SEL1L: variants seen among roughly 807,000 people sequenced by gnomAD.
SEL1L encodes the protein protein sel-1 homolog 1.
SEL1L carries 52 observed loss-of-function variants against 109.8 expected under a neutral mutation model. The observed-to-expected ratio is 0.47, with a 90% CI of 0.38 to 0.60. The LOEUF is 0.60. SEL1L is among the 20% of genes least tolerant of loss of function. The pLI is 0.00. For missense variants in SEL1L, 749 were observed against 962.2 expected, an observed-to-expected ratio of 0.78 and a Z score of 2.93; for synonymous variants, 373 against 339.6, an observed-to-expected ratio of 1.10 and a Z score of -1.08.
chr14:81,533,821 G>C lies in SEL1L; in HGVS notation c.-77C>G. ...CACCACGGACTCAGCCACCACCGCCGCCTCGCCGCTGCTCTTCCTGCTCTA... is the reference window on the plus strand; with the variant it reads ...CACCACGGACTCAGCCACCACCGCCCCCTCGCCGCTGCTCTTCCTGCTCTA... On this transcript the variant is annotated 5_prime_UTR_variant, in exon 1 of 21. Transcript: ENST00000336735. 7.1e-7 allele frequency: 1 copy of C among 1,401,330 alleles called. No homozygotes were observed. The highest frequency in any genetic ancestry group is 9.9e-7 in the Non-Finnish European group (1 of 1,005,392). 86.8% of individuals were successfully genotyped at this position (1,401,330 alleles called of 1,614,324 possible). A position where few individuals can be genotyped will look rare whatever the true frequency, so the allele number is the denominator to read the frequency against.
chr14:81,502,843 T>C lies in SEL1L; in HGVS notation c.655A>G (p.Thr219Ala). 1 of 1,614,096 alleles carries C rather than the reference T, an allele frequency of 6.2e-7. No homozygotes were observed. The change falls in exon 6 of 21, where the codon ACC (threonine) becomes GCC (alanine). Residue 219 changes from threonine (T) to alanine (A), a missense_variant. Physicochemically the swap from Thr to Ala is moderately conservative, Grantham distance 58. Transcript: ENST00000336735. ...TATGACACTCTCTCCAGGGCTTTGG[T>C]ATGGTTCATGCTTGCTGCCTTTTGG... The part of the protein sequence containing the change: ...YLQKAASMNH[T>A]KALERVSYAL...
At chr14:81,525,362 G>C (rs1007877118) in intron 3 of SEL1L, among the ~76,000 whole-genome samples, 11 of 149,994 alleles carry the variant, frequency 7.3e-5, no homozygotes, top group African/African-American at 2.7e-4. Context: ...CTATGATCGT[G>C]CCACTGCACT....
intron 3 of SEL1L, among the ~76,000 whole-genome samples, chr14:81,513,257 C>G (rs1884560678): frequency 6.6e-6 from 1 of 152,202 alleles, no homozygotes; most frequent in Admixed American, 6.5e-5. Flanking sequence ...AGCTGGCCAC[C>G]TGAGCCAGCA....
At chr14:81,507,017 A>G (rs1566978932) in intron 3 of SEL1L, among the ~76,000 whole-genome samples, 1 of 152,188 alleles carries the variant, frequency 6.6e-6, no homozygotes, top group East Asian at 1.9e-4. Flanking sequence ...GGCGTGCAGG[A>G]GTAGCAGTGA....
chr14:81,500,055 G>A (rs998081890), intron 6 of SEL1L, among the ~76,000 whole-genome samples: 5 of 151,708 alleles, frequency 3.3e-5, no homozygotes, highest in South Asian at 2.1e-4. Flanking sequence ...ATGTAGAGGC[G>A]TATGCCACCA....
intron 3 of SEL1L, among the ~76,000 whole-genome samples, chr14:81,517,692 G>C (rs1367695026): frequency 1.3e-5 from 2 of 152,176 alleles, no homozygotes; most frequent in African/African-American, 2.4e-5. Flanking sequence ...TGTGGCTATT[G>C]CATCTAGATG....
At chr14:81,510,810 CAATT>C (rs2140033784) in intron 3 of SEL1L, among the ~76,000 whole-genome samples, 1 of 151,992 alleles carries the variant, frequency 6.6e-6, no homozygotes, top group African/African-American at 2.4e-5. Context: ...AGCTGAGAAA[CAATT>C]ATTTAATGTT....
At chr14:81,477,905 G>A (rs1311964527) in intron 20 of SEL1L, among the ~76,000 whole-genome samples, 1 of 152,152 alleles carries the variant, frequency 6.6e-6, no homozygotes, top group Non-Finnish European at 1.5e-5. Flanking sequence ...CACACCAGCT[G>A]GAAAGCTCTG....
chr14:81,498,211 T>G (rs1356274303), intron 9 of SEL1L, 165 bp from the exon 10 acceptor site: 4 of 858,258 alleles, frequency 4.7e-6, no homozygotes, highest in Admixed American at 3.1e-5. Context: ...ATTAATAAAT[T>G]GAACTTTTTT....
chr14:81,494,636 T>G (rs886852886), intron 11 of SEL1L, among the ~76,000 whole-genome samples: 8 of 152,224 alleles, frequency 5.3e-5, no homozygotes, highest in Non-Finnish European at 2.9e-5. Context: ...CTTTTTGGCC[T>G]GGAAGGACCT....
At chr14:81,510,496 C>CTA (rs1566619722) in intron 3 of SEL1L, among the ~76,000 whole-genome samples, 3 of 124,126 alleles carry the variant, frequency 2.4e-5, no homozygotes, top group Non-Finnish European at 5.2e-5. Flanking sequence ...CTCTCTCTCT[C>CTA]TCTCTCTCTC....
At chr14:81,509,709 T>C (rs1459969370) in intron 3 of SEL1L, among the ~76,000 whole-genome samples, 1 of 152,166 alleles carries the variant, frequency 6.6e-6, no homozygotes, top group African/African-American at 2.4e-5. Flanking sequence ...CCTTTCATAC[T>C]CTTAGCAAGT....
intron 10 of SEL1L, among the ~76,000 whole-genome samples, chr14:81,497,667 C>T (rs1452162849): frequency 6.6e-6 from 1 of 151,850 alleles, no homozygotes; most frequent in African/African-American, 2.4e-5. Context: ...GTTTTAGGAA[C>T]CCTCAATGCC....
intron 1 of SEL1L, among the ~76,000 whole-genome samples, chr14:81,532,604 A>T (rs989892243): frequency 5.9e-5 from 9 of 152,172 alleles, no homozygotes; most frequent in African/African-American, 2.2e-4. Context: ...CACATCATGG[A>T]TAGAATTTAG....
chr14:81,511,211 G>C (rs571934157), intron 3 of SEL1L, among the ~76,000 whole-genome samples: 6 of 152,350 alleles, frequency 3.9e-5, no homozygotes, highest in Admixed American at 3.9e-4. Flanking sequence ...GTATTTTTCA[G>C]AAGATGTATT....
In SEL1L at chr14:81,479,760, C is replaced by G; in HGVS notation, c.2047-20G>C. 6.4e-7 allele frequency: 1 copy of G among 1,569,656 alleles called. No homozygotes were observed. Among genetic ancestry groups the G allele is most frequent in the African/African-American group, 1.4e-5 (1 of 72,714 alleles). On this transcript the variant is annotated intron_variant, in intron 19 of 20. Coordinates refer to ENST00000336735, the MANE Select transcript of SEL1L (RefSeq NM_005065.6). ...AATATCCTATAATACAGGTAAGAAACAAAAATGCATTTCTTGTCAAAATAA... is the reference window on the plus strand; with the variant it reads ...AATATCCTATAATACAGGTAAGAAAGAAAAATGCATTTCTTGTCAAAATAA...
chr14:81,498,586 T>C, intron 8 of SEL1L, 92 bp from the exon 9 acceptor site: 1 of 905,338 alleles, frequency 1.1e-6, no homozygotes, highest in Admixed American at 2.2e-5. Flanking sequence ...ACCCAGAATT[T>C]TGCTGTCATT....
chr14:81,487,976 CA>C, intron 14 of SEL1L, 34 bp from the exon 15 acceptor site: 1 of 1,494,148 alleles, frequency 6.7e-7, no homozygotes, highest in Non-Finnish European at 9.3e-7. Flanking sequence ...TGAGAAAGCT[CA>C]AAAGGCAGAC....
At chr14:81,508,709 G>A (rs1014959538) in intron 3 of SEL1L, among the ~76,000 whole-genome samples, 1 of 152,160 alleles carries the variant, frequency 6.6e-6, no homozygotes, top group Non-Finnish European at 1.5e-5. Flanking sequence ...GAAAGCGTCT[G>A]TAGAACTGCA....
Sources: allele counts gnomAD v4.1 joint callset (sites outside exome capture counted in the v4.1 genomes callset), GRCh38; gene constraint gnomAD v4.1.1; transcripts MANE v1.5; gene names NCBI Gene and HGNC (gene_info 2026-07-23, HGNC 2026-07-21).